Variants in CCDC171 observed in about 807,000 individuals in gnomAD.
CCDC171 encodes the protein coiled-coil domain-containing protein 171.
A neutral mutation model predicts 168.2 loss-of-function variants in CCDC171; 177 were observed. That is an observed-to-expected ratio of 1.05 (90% CI 0.93 to 1.19). The LOEUF (loss-of-function observed/expected upper bound fraction) is 1.19, where lower values mean the gene tolerates loss of function less well. Ranked by LOEUF, CCDC171 falls within the 50% of genes most tolerant of loss-of-function variation. CCDC171 has a pLI of 0.00. For missense variants in CCDC171, 1,991 were observed against 1,539.0 expected (o/e 1.29, Z -4.91); for synonymous variants, 687 against 540.8 (o/e 1.27, Z -3.75).
At chr9:15,873,680 A>G (rs2131217989) in intron 23 of CCDC171, among the ~76,000 whole-genome samples, 1 of 152,214 alleles carries the variant, frequency 6.6e-6, no homozygotes, top group South Asian at 2.1e-4. Context: ...GGCTTTTACT[A>G]AGTTTGGAAA....
intron 7 of CCDC171, among the ~76,000 whole-genome samples, chr9:15,647,844 T>C (rs531965823): frequency 2.8e-4 from 43 of 152,202 alleles, no homozygotes; most frequent in African/African-American, 1.0e-3. Flanking sequence ...ACCATTCCTT[T>C]TGAAACTATT....
intron 24 of CCDC171, among the ~76,000 whole-genome samples, chr9:15,911,733 A>T (rs541254927): frequency 3.7e-4 from 56 of 152,310 alleles, no homozygotes; most frequent in Admixed American, 1.2e-3. Context: ...ATAAGGTGTA[A>T]GGAAGGGGGT....
At chr9:15,952,227 C>T (rs1295699717) in intron 25 of CCDC171, among the ~76,000 whole-genome samples, 1 of 152,100 alleles carries the variant, frequency 6.6e-6, no homozygotes, top group Non-Finnish European at 1.5e-5. Context: ...CTATTCTGTT[C>T]TATTGGTCTC....
chr9:15,981,257 C>T (rs1271964368), intron 3 of CCDC171, among the ~76,000 whole-genome samples: 1 of 151,734 alleles, frequency 6.6e-6, no homozygotes, highest in Non-Finnish European at 1.5e-5. Context: ...TGAGAGTCCT[C>T]TTGATGGGAT....
chr9:15,563,730 T>C (rs1341523263), intron 1 of CCDC171, among the ~76,000 whole-genome samples: 1 of 152,192 alleles, frequency 6.6e-6, no homozygotes, highest in East Asian at 1.9e-4. Context: ...GAATCACTGT[T>C]GTAAAGATCC....
chr9:15,759,038 T>A (rs2056299860), intron 18 of CCDC171, among the ~76,000 whole-genome samples: 1 of 152,226 alleles, frequency 6.6e-6, no homozygotes, highest in African/African-American at 2.4e-5. Flanking sequence ...TTCATTCTTT[T>A]TCATTGCTGT....
chr9:15,976,078 A>G (rs116840977), downstream of CCDC171, among the ~76,000 whole-genome samples: 12 of 152,264 alleles, frequency 7.9e-5, no homozygotes, highest in East Asian at 2.3e-3. Flanking sequence ...GGGCGGTGCT[A>G]GAAGCAGAAA....
At chr9:15,807,079 T>G (rs1411262015) in intron 21 of CCDC171, among the ~76,000 whole-genome samples, 1 of 152,188 alleles carries the variant, frequency 6.6e-6, no homozygotes, top group East Asian at 1.9e-4. Context: ...GATCACATAG[T>G]TCTTCTTTGT....
chr9:16,047,371 C>G (rs1456338634), intron 1 of CCDC171, among the ~76,000 whole-genome samples: 1 of 152,114 alleles, frequency 6.6e-6, no homozygotes, highest in Non-Finnish European at 1.5e-5. Context: ...TTTCACCCAC[C>G]CCTGCCTAAT....
chr9:15,919,696 T>C (rs1536687), intron 24 of CCDC171, among the ~76,000 whole-genome samples: 110,702 of 151,324 alleles, frequency 0.73, 42,427 homozygotes, highest in East Asian at 0.86. Context: ...AACTTGCTTA[T>C]GTTAATTGTT....
At chr9:15,598,180 CCTT>C (rs2042532558) in intron 6 of CCDC171, among the ~76,000 whole-genome samples, 1 of 151,990 alleles carries the variant, frequency 6.6e-6, no homozygotes, top group South Asian at 2.1e-4. Context: ...TTATTTCTTG[CCTT>C]CTTCTAGCTT....
chr9:15,797,040 C>T (rs1337670251), intron 21 of CCDC171, among the ~76,000 whole-genome samples: 1 of 152,142 alleles, frequency 6.6e-6, no homozygotes, highest in African/African-American at 2.4e-5. Flanking sequence ...GCTTCACATC[C>T]TGGTGAATAC....
chr9:15,559,923 C>G (rs1429770534), intron 1 of CCDC171, among the ~76,000 whole-genome samples: 1 of 152,042 alleles, frequency 6.6e-6, no homozygotes, highest in African/African-American at 2.4e-5. Flanking sequence ...GTAAGGCAGG[C>G]CTGGTGGTGA....
rs1473020662 is a variant in CCDC171 at position 15,727,005 on chromosome 9, A to G, written c.1693-864A>G. On this transcript the variant is annotated intron_variant, in intron 14 of 25. Coordinates refer to ENST00000380701, the MANE Select transcript of CCDC171 (RefSeq NM_173550.4). ...CATGTGTTCAAATGTGATCTGCTTT[A>G]TATGAATTCTGCAGCATAGTAAGTG... Among the ~76,000 whole-genome samples, 3 of 152,214 alleles carry G rather than the reference A, an allele frequency of 2.0e-5. 1 individual carries two copies. Among genetic ancestry groups the G allele is most frequent in the Non-Finnish European group, 4.4e-5 (3 of 68,036 alleles).
At chr9:15,778,902 A>C in intron 19 of CCDC171, 66 bp from the exon 20 acceptor site, 1 of 1,120,724 alleles carries the variant, frequency 8.9e-7, no homozygotes, top group Non-Finnish European at 1.2e-6. Context: ...ATTTAGTAAA[A>C]TGGTTATTGC....
At position 15,821,914 on chromosome 9, in the gene CCDC171, C is replaced by T. The variant is rs1011518030; in HGVS notation, c.3268-24788C>T. Among the ~76,000 whole-genome samples, 22 of 49,088 alleles carry T rather than the reference C, an allele frequency of 4.5e-4. 6 individuals are homozygous for T. Among genetic ancestry groups the T allele is most frequent in the Non-Finnish European group, 8.2e-4 (16 of 19,570 alleles). 32.2% of individuals were successfully genotyped at this position (49,088 alleles called of 152,430 possible). A position where few individuals can be genotyped will look rare whatever the true frequency, so the allele number is the denominator to read the frequency against. ...CAAAAGAACAAAGCTGGAGGCATCA[C>T]GCTACCTGACTTCAAACTATACAAC... On this transcript the variant is annotated intron_variant, in intron 21 of 25. Coordinates refer to ENST00000380701, the MANE Select transcript of CCDC171 (RefSeq NM_173550.4).
intron 11 of CCDC171, among the ~76,000 whole-genome samples, chr9:15,713,934 G>T (rs983617488): frequency 2.0e-5 from 3 of 151,492 alleles, no homozygotes. Flanking sequence ...GTACATTGCT[G>T]GTCCTGCTAG....
intron 18 of CCDC171, among the ~76,000 whole-genome samples, chr9:15,752,297 C>T (rs2055803739): frequency 6.6e-6 from 1 of 152,186 alleles, no homozygotes; most frequent in African/African-American, 2.4e-5. Context: ...CGCTGTTACA[C>T]TGTTGGTGGG....
intron 1 of CCDC171, among the ~76,000 whole-genome samples, chr9:16,053,763 T>C (rs889815238): frequency 2.0e-5 from 3 of 152,208 alleles, no homozygotes; most frequent in African/African-American, 7.2e-5. Flanking sequence ...TCTCCCTCAC[T>C]GGGGCTGCAC....
Sources: allele counts gnomAD v4.1 joint callset (sites outside exome capture counted in the v4.1 genomes callset), GRCh38; gene constraint gnomAD v4.1.1; transcripts MANE v1.5; gene names NCBI Gene and HGNC (gene_info 2026-07-23, HGNC 2026-07-21).